DNAJC5B: variants seen among roughly 807,000 people sequenced by gnomAD.
DNAJC5B encodes DnaJ heat shock protein family (Hsp40) member C5 beta.
A neutral mutation model predicts 24.7 loss-of-function variants in DNAJC5B; 23 were observed. The ratio of observed to expected loss-of-function variants is 0.93; its 90% CI spans 0.67 to 1.32. The LOEUF is 1.32. Ranked by LOEUF, DNAJC5B falls within the 40% of genes most tolerant of loss-of-function variation. DNAJC5B has a pLI of 0.00. For missense variants in DNAJC5B, 238 were observed against 240.8 expected (o/e 0.99, Z 0.08); for synonymous variants, 101 against 90.1 (o/e 1.12, Z -0.68).
intron 5 of DNAJC5B, among the ~76,000 whole-genome samples, chr8:66,081,105 A>G (rs1327935799): frequency 6.6e-6 from 1 of 152,112 alleles, no homozygotes; most frequent in Non-Finnish European, 1.5e-5. Flanking sequence ...GGATGGGACT[A>G]TTTGCGTTGC....
chr8:66,040,840 GT>G (rs1334343025), intron 1 of DNAJC5B, among the ~76,000 whole-genome samples: 1 of 152,136 alleles, frequency 6.6e-6, no homozygotes, highest in Non-Finnish European at 1.5e-5. Context: ...TTTTATACAT[GT>G]TTATAGATTT....
At position 66,051,452 on chromosome 8, in the gene DNAJC5B, G is replaced by A; in HGVS notation, c.-17-79G>A. 5 of 815,594 alleles carry A rather than the reference G, an allele frequency of 6.1e-6. No homozygotes were observed. In the Admixed American group the frequency reaches 7.2e-5, roughly 12 times the overall value. The allele number at this position is 815,594 out of a possible 1,614,324, so 50.5% of individuals were successfully genotyped here. On this transcript the variant is annotated intron_variant, in intron 2 of 5. Transcript: ENST00000276570. ...TTCTTCAAATTGTCATTTTACAAAAGGTCAAAAATGAGCTGTCTTCCCCTT... is the reference window on the plus strand; with the variant it reads ...TTCTTCAAATTGTCATTTTACAAAAAGTCAAAAATGAGCTGTCTTCCCCTT...
At chr8:66,078,671 CTG>C (rs1187864939) in intron 4 of DNAJC5B, among the ~76,000 whole-genome samples, 1 of 152,118 alleles carries the variant, frequency 6.6e-6, no homozygotes, top group Admixed American at 6.5e-5. Context: ...GCTGTGGAGA[CTG>C]TTAGTGAGGT....
At chr8:66,034,105 G>A (rs766935720) in intron 1 of DNAJC5B, among the ~76,000 whole-genome samples, 3 of 152,198 alleles carry the variant, frequency 2.0e-5, no homozygotes, top group Non-Finnish European at 2.9e-5. Flanking sequence ...CCTGTCCCAG[G>A]TGTGTGGGTC....
chr8:66,099,625 T>C (rs1388342706), intron 5 of DNAJC5B, among the ~76,000 whole-genome samples: 1 of 152,192 alleles, frequency 6.6e-6, no homozygotes, highest in Non-Finnish European at 1.5e-5. Flanking sequence ...CACAACTGTA[T>C]ATGATGGTTC....
chr8:66,100,053 A>G lies in DNAJC5B; in HGVS notation c.*22A>G. On this transcript the variant is annotated 3_prime_UTR_variant, in exon 6 of 6. Coordinates refer to ENST00000276570, the MANE Select transcript of DNAJC5B (RefSeq NM_033105.6). ...TTGATATTGAGCCCTCAGAGAGTCCACAGTCCCTCCTCTCAGTTCAGTCTT... is the reference window on the plus strand; with the variant it reads ...TTGATATTGAGCCCTCAGAGAGTCCGCAGTCCCTCCTCTCAGTTCAGTCTT... The G allele has an allele frequency of 6.2e-7, 1 of 1,604,752 alleles. No homozygotes were observed. Among genetic ancestry groups the G allele is most frequent in the Non-Finnish European group, 8.5e-7 (1 of 1,172,312 alleles).
intron 2 of DNAJC5B, among the ~76,000 whole-genome samples, chr8:66,048,606 A>G (rs1313511949): frequency 1.3e-5 from 2 of 152,114 alleles, no homozygotes; most frequent in Admixed American, 6.5e-5. Flanking sequence ...CTAGATCCCA[A>G]TCAAAATTTC....
chr8:66,099,922 T>C lies in DNAJC5B; in HGVS notation c.506-15T>C, dbSNP rs202112821. ...ATGATGAGAGTGTTTATTGCTTTGC[T>C]TTGTTTATTTTTAGATGTGGACTTT... On this transcript the variant is annotated splice_polypyrimidine_tract_variant and intron_variant, in intron 5 of 5. Coordinates refer to ENST00000276570, the MANE Select transcript of DNAJC5B (RefSeq NM_033105.6). 2.5e-6 allele frequency: 4 copies of C among 1,611,116 alleles called. No homozygotes were observed. The Admixed American group carries it at 6.7e-5, about 27-fold the overall frequency.
intron 1 of DNAJC5B, among the ~76,000 whole-genome samples, chr8:66,034,538 A>G (rs1806438717): frequency 6.6e-6 from 1 of 151,968 alleles, no homozygotes; most frequent in African/African-American, 2.4e-5. Context: ...AGAGAAATGT[A>G]AGCATCACGT....
At chr8:66,095,680 CA>C (rs1807937051) in intron 5 of DNAJC5B, among the ~76,000 whole-genome samples, 1 of 151,574 alleles carries the variant, frequency 6.6e-6, no homozygotes, top group Non-Finnish European at 1.5e-5. Flanking sequence ...CACACACACA[CA>C]CACACACACA....
chr8:66,026,875 T>TGACCTCCG (rs1806255541), intron 1 of DNAJC5B, among the ~76,000 whole-genome samples: 2 of 152,362 alleles, frequency 1.3e-5, no homozygotes, highest in South Asian at 4.1e-4. Context: ...TCATCTTTGC[T>TGACCTCCG]GACCTCCGGA....
intron 1 of DNAJC5B, among the ~76,000 whole-genome samples, chr8:66,035,103 C>G (rs1299181064): frequency 6.6e-6 from 1 of 152,212 alleles, no homozygotes; most frequent in African/African-American, 2.4e-5. Context: ...AGGAGTTTTG[C>G]AAGCCAGGTG....
upstream of DNAJC5B, among the ~76,000 whole-genome samples, chr8:66,017,824 T>C (rs1453401997): frequency 6.6e-6 from 1 of 152,220 alleles, no homozygotes; most frequent in Non-Finnish European, 1.5e-5. Flanking sequence ...CTGTTTAACC[T>C]TGAAGTATCC....
chr8:66,052,237 C>A (rs1215156900), intron 3 of DNAJC5B, among the ~76,000 whole-genome samples: 1 of 151,276 alleles, frequency 6.6e-6, no homozygotes. Context: ...GGATTACAGG[C>A]ATGAGCAACC....
intron 1 of DNAJC5B, among the ~76,000 whole-genome samples, chr8:66,039,489 T>C (rs1307100435): frequency 6.6e-6 from 1 of 151,942 alleles, no homozygotes; most frequent in Non-Finnish European, 1.5e-5. Context: ...GGTGGGATTA[T>C]AGGTGCCCAC....
intron 3 of DNAJC5B, among the ~76,000 whole-genome samples, chr8:66,067,079 T>C (rs1031534283): frequency 6.6e-6 from 1 of 152,072 alleles, no homozygotes; most frequent in Non-Finnish European, 1.5e-5. Flanking sequence ...AACGAAGACA[T>C]AAGTGATCAT....
rs1415987602 is a variant in DNAJC5B at position 66,051,731 on chromosome 8, T to C, written c.119+65T>C. ...AGTTATTTTGTGACTGGCAGATTCC[T>C]CCATTAAAGACATAAGCTTCTCACT... On this transcript the variant is annotated intron_variant, in intron 3 of 5. Transcript: ENST00000276570. 32 of 1,229,048 alleles carry C rather than the reference T, an allele frequency of 2.6e-5. No homozygotes were observed. The South Asian group carries it at 3.8e-4, about 15-fold the overall frequency. 76.1% of individuals were successfully genotyped at this position (1,229,048 alleles called of 1,614,324 possible).
intron 5 of DNAJC5B, among the ~76,000 whole-genome samples, chr8:66,092,320 A>G (rs1281325838): frequency 6.6e-6 from 1 of 152,182 alleles, no homozygotes; most frequent in African/African-American, 2.4e-5. Context: ...AGGAAATCAC[A>G]GGCCTAAGCC....
At chr8:66,097,796 T>C (rs1807985993) in intron 5 of DNAJC5B, among the ~76,000 whole-genome samples, 1 of 152,196 alleles carries the variant, frequency 6.6e-6, no homozygotes, top group African/African-American at 2.4e-5. Flanking sequence ...TTTAGCTCCA[T>C]AGTTTTAGCT....
Sources: gnomAD v4.1 joint callset for allele counts (sites outside exome capture counted in the v4.1 genomes callset) on GRCh38, gnomAD v4.1.1 for gene constraint, MANE v1.5 for transcripts, NCBI Gene and HGNC (gene_info 2026-07-23, HGNC 2026-07-21) for gene names.